The following METTL15 variants were observed in gnomAD, a reference collection of about 807,000 sequenced individuals.
METTL15 encodes 12S rRNA N(4)-cytidine methyltransferase METTL15.
A neutral mutation model predicts 38.3 loss-of-function variants in METTL15; 34 were observed. The observed-to-expected ratio is 0.89, with a 90% CI of 0.68 to 1.18. The LOEUF is 1.18. METTL15 is among the 50% of genes most tolerant of loss of function. METTL15 has a pLI of 0.00. For missense variants in METTL15, 438 were observed against 498.4 expected, an observed-to-expected ratio of 0.88 and a Z score of 1.15; for synonymous variants, 162 against 170.9, an observed-to-expected ratio of 0.95 and a Z score of 0.41.
chr11:28,483,934 C>T (rs1425328538), intron 6 of METTL15, among the ~76,000 whole-genome samples: 1 of 151,938 alleles, frequency 6.6e-6, no homozygotes, highest in Non-Finnish European at 1.5e-5. Context: ...AAGCTATATC[C>T]AAATGGCATA....
intron 3 of METTL15, among the ~76,000 whole-genome samples, chr11:28,166,722 G>T (rs1366980685): frequency 1.3e-5 from 2 of 152,092 alleles, no homozygotes; most frequent in Admixed American, 6.6e-5. Flanking sequence ...GGCCAAGGTG[G>T]GCAGATCACC....
chr11:28,362,916 C>A (rs1850152646), intron 5 of METTL15, among the ~76,000 whole-genome samples: 1 of 152,168 alleles, frequency 6.6e-6, no homozygotes, highest in South Asian at 2.1e-4. Context: ...ATTTTAAGTT[C>A]TTTGAGAGAT....
At chr11:28,187,540 T>TA (rs1851543295) in intron 3 of METTL15, among the ~76,000 whole-genome samples, 2 of 149,926 alleles carry the variant, frequency 1.3e-5, no homozygotes, top group Admixed American at 6.7e-5. Flanking sequence ...TTTTTTTTTT[T>TA]AACACGGACC....
rs1857361618 is a variant in METTL15 at position 28,313,022 on chromosome 11, G to A, written c.778+16091G>A. Among the ~76,000 whole-genome samples the A allele has an allele frequency of 4.0e-5, 6 of 150,966 alleles. No homozygotes were observed. The South Asian group carries it at 1.3e-3, about 32-fold the overall frequency. ...TGTCACTCTCGTATTATTAGTCAGA[G>A]TTCATGTCTCTGTTTTCTATTGTAT... On this transcript the variant is annotated intron_variant, in intron 6 of 6. Coordinates refer to ENST00000407364, the MANE Select transcript of METTL15 (RefSeq NM_001113528.2).
chr11:28,394,549 TA>T (rs1226734500), intron 5 of METTL15, among the ~76,000 whole-genome samples: 2 of 152,072 alleles, frequency 1.3e-5, no homozygotes, highest in African/African-American at 4.8e-5. Context: ...TTCTCAATAC[TA>T]AAAAATTCTT....
intron 4 of METTL15, among the ~76,000 whole-genome samples, chr11:28,223,730 C>T (rs1316016306): frequency 6.6e-6 from 1 of 152,008 alleles, no homozygotes; most frequent in Non-Finnish European, 1.5e-5. Flanking sequence ...TAGGCTAACC[C>T]ATTTTAGCTC....
At chr11:28,522,982 C>T (rs1368239798) in intron 6 of METTL15, among the ~76,000 whole-genome samples, 1 of 152,216 alleles carries the variant, frequency 6.6e-6, no homozygotes, top group Non-Finnish European at 1.5e-5. Context: ...GTTCAGAAAA[C>T]TAGCAAATTT....
Position 28,376,992 on chromosome 11 carries a change from C to G in METTL15, c.*358+14956C>G, listed in dbSNP as rs948507168. 1.8e-4 allele frequency among the ~76,000 whole-genome samples: 23 copies of G among 126,718 alleles called. 1 individual carries two copies. Among genetic ancestry groups the G allele is most frequent in the African/African-American group, 5.8e-4 (22 of 38,072 alleles). The allele number at this position is 126,718 out of a possible 152,430, so 83.1% of individuals were successfully genotyped here. On this transcript the variant is annotated intron_variant and NMD_transcript_variant, in intron 5 of 7. Transcript: ENST00000532947. ...TAAGAATGTTGAATATTGGCCCCCACTCTCTTCTGGCTTGTAGGGTTTCTG... is the reference window on the plus strand; with the variant it reads ...TAAGAATGTTGAATATTGGCCCCCAGTCTCTTCTGGCTTGTAGGGTTTCTG...
At chr11:28,346,762 T>C in intron 3 of METTL15, among the ~76,000 whole-genome samples, 1 of 152,208 alleles carries the variant, frequency 6.6e-6, no homozygotes, top group Non-Finnish European at 1.5e-5. Flanking sequence ...TTAAGGCATG[T>C]ATAGTTACTA....
intron 4 of METTL15, among the ~76,000 whole-genome samples, chr11:28,247,073 T>A (rs1396401759): frequency 2.0e-5 from 3 of 152,124 alleles, no homozygotes; most frequent in Non-Finnish European, 4.4e-5. Flanking sequence ...TGTATTTCTA[T>A]ATGCTATATA....
intron 5 of METTL15, among the ~76,000 whole-genome samples, chr11:28,367,195 C>A (rs1850194228): frequency 1.5e-5 from 2 of 134,708 alleles, no homozygotes. Flanking sequence ...TGTCTAGGAG[C>A]CACTGAGAAA....
At chr11:28,228,114 C>G (rs1032366658) in intron 4 of METTL15, among the ~76,000 whole-genome samples, 1 of 151,856 alleles carries the variant, frequency 6.6e-6, no homozygotes, top group Admixed American at 6.6e-5. Flanking sequence ...ACCGTGTTCT[C>G]AAGTCCAGCA....
At chr11:28,509,105 A>G (rs969489741) in intron 6 of METTL15, among the ~76,000 whole-genome samples, 2 of 152,180 alleles carry the variant, frequency 1.3e-5, no homozygotes, top group Non-Finnish European at 2.9e-5. Context: ...ACAGGTTTGC[A>G]ATTTCTATGC....
At chr11:28,381,214 G>A (rs370406497) in intron 5 of METTL15, among the ~76,000 whole-genome samples, 138 of 152,176 alleles carry the variant, frequency 9.1e-4, no homozygotes, top group African/African-American at 1.6e-3. Context: ...GGCCAGGTTG[G>A]TCTTGAACTC....
At chr11:28,479,839 G>T (rs1851380758) in intron 6 of METTL15, among the ~76,000 whole-genome samples, 1 of 152,156 alleles carries the variant, frequency 6.6e-6, no homozygotes, top group Non-Finnish European at 1.5e-5. Context: ...TAAAGTATGT[G>T]CACTACACAG....
chr11:28,388,072 A>G (rs1460186645), intron 5 of METTL15, among the ~76,000 whole-genome samples: 2 of 152,128 alleles, frequency 1.3e-5, no homozygotes, highest in Admixed American at 1.3e-4. Flanking sequence ...TGCCATATAT[A>G]AACAACTCAT....
intron 4 of METTL15, among the ~76,000 whole-genome samples, chr11:28,261,814 A>G (rs1855215232): frequency 1.3e-5 from 2 of 152,194 alleles, no homozygotes; most frequent in Admixed American, 1.3e-4. Context: ...AATAATAGCT[A>G]CTATTTACTG....
chr11:28,350,507 TCC>T (rs1850031889), intron 3 of METTL15, among the ~76,000 whole-genome samples: 1 of 152,318 alleles, frequency 6.6e-6, no homozygotes, highest in South Asian at 2.1e-4. Context: ...AAACAATTGT[TCC>T]TCTAATGGAA....
intron 5 of METTL15, among the ~76,000 whole-genome samples, chr11:28,378,846 G>C (rs571489319): frequency 7.2e-4 from 106 of 147,470 alleles, no homozygotes; most frequent in East Asian, 2.4e-3. Context: ...GAAGCCATCA[G>C]GTCCTGGGCT....
Sources: gnomAD v4.1 joint callset for allele counts (sites outside exome capture counted in the v4.1 genomes callset) on GRCh38, gnomAD v4.1.1 for gene constraint, MANE v1.5 for transcripts, NCBI Gene and HGNC (gene_info 2026-07-23, HGNC 2026-07-21) for gene names.